The following INO80 variants were observed in gnomAD, a reference collection of about 807,000 sequenced individuals.
INO80 encodes chromatin-remodeling ATPase INO80.
Under a neutral mutation model 203.4 loss-of-function variants are expected in INO80, and 20 were observed. The ratio of observed to expected loss-of-function variants is 0.10; its 90% CI spans 0.07 to 0.14. INO80 has a LOEUF of 0.14. Among genes scored for constraint, INO80 ranks in the 10% least tolerant of loss-of-function variants. The pLI is 1.00. For synonymous variants in INO80, 726 were observed against 685.2 expected (o/e 1.06, Z -0.93); for missense variants, 1,419 against 1,914.4 (o/e 0.74, Z 4.83).
chr15:41,032,663 G>T (rs1452784755), intron 24 of INO80, among the ~76,000 whole-genome samples: 2 of 152,146 alleles, frequency 1.3e-5, no homozygotes, highest in African/African-American at 4.8e-5. Flanking sequence ...TCTATGTTTA[G>T]AACCTTTGTG....
chr15:40,996,337 CTTTTT>C (rs1273927506), intron 29 of INO80, among the ~76,000 whole-genome samples: 2 of 152,094 alleles, frequency 1.3e-5, no homozygotes, highest in Non-Finnish European at 2.9e-5. Context: ...ATCCTCTTTT[CTTTTT>C]GAGACAGTCT....
intron 24 of INO80, among the ~76,000 whole-genome samples, chr15:41,041,106 C>T (rs1375957547): frequency 6.6e-6 from 1 of 152,168 alleles, no homozygotes; most frequent in East Asian, 1.9e-4. Flanking sequence ...CTGTCACTCT[C>T]CGAGGCTCAG....
intron 1 of INO80, among the ~76,000 whole-genome samples, chr15:41,100,820 A>T (rs1349992905): frequency 2.0e-5 from 3 of 150,000 alleles, no homozygotes; most frequent in African/African-American, 7.4e-5. Flanking sequence ...ACTACCATTC[A>T]CAATTTTTTC....
At chr15:41,057,594 C>T (rs923747122) in intron 16 of INO80, among the ~76,000 whole-genome samples, 5 of 151,612 alleles carry the variant, frequency 3.3e-5, no homozygotes, top group Admixed American at 6.6e-5. Context: ...GTCAGGAGTT[C>T]GAGACAAGCC....
chr15:41,097,238 G>A (rs761450448), intron 1 of INO80, among the ~76,000 whole-genome samples: 13 of 151,844 alleles, frequency 8.6e-5, no homozygotes, highest in Non-Finnish European at 1.8e-4. Flanking sequence ...TGGAGACGGG[G>A]TTTCACCATG....
intron 14 of INO80, among the ~76,000 whole-genome samples, chr15:41,064,681 C>T (rs1013097193): frequency 2.0e-5 from 3 of 152,176 alleles, no homozygotes; most frequent in African/African-American, 7.2e-5. Context: ...ATACTCTAAG[C>T]TCCATCTCAA....
At chr15:41,099,462 G>C (rs2045775475) in intron 1 of INO80, among the ~76,000 whole-genome samples, 1 of 151,680 alleles carries the variant, frequency 6.6e-6, no homozygotes, top group African/African-American at 2.4e-5. Flanking sequence ...TGTCAGTCTT[G>C]GTAATATAAA....
At chr15:41,005,200 CAAAAAAAAAAAA>C (rs66849866) in intron 28 of INO80, 5 of 80,062 alleles carry the variant, frequency 6.2e-5, no homozygotes, top group African/African-American at 2.1e-4. Context: ...CTCACACACA[CAAAAAAAAAAAA>C]AAAAAAAAAG....
rs1893935430 is a variant in INO80 at position 40,984,129 on chromosome 15, G to A, written c.4077+68C>T. On this transcript the variant is annotated intron_variant, in intron 33 of 35. Coordinates refer to ENST00000648947, the MANE Select transcript of INO80 (RefSeq NM_017553.3). The stretch of plus-strand genomic sequence containing the variant: ...CAGGAGAAGCAAAGACTGCCCAGCA[G>A]TGTGTCCCTGCTACACGGTCAGGAC... The A allele has an allele frequency of 5.2e-6, 8 of 1,529,142 alleles. No individual in the cohort carries two copies. In the East Asian group the frequency reaches 1.6e-4, roughly 31 times the overall value. The allele number at this position is 1,529,142 out of a possible 1,614,324, so 94.7% of individuals were successfully genotyped here.
At chr15:41,036,087 C>T (rs531640128) in intron 24 of INO80, among the ~76,000 whole-genome samples, 6 of 125,460 alleles carry the variant, frequency 4.8e-5, no homozygotes, top group Admixed American at 4.2e-4. Flanking sequence ...ACCCAGGAGG[C>T]GGAAGTTGCA....
Position 41,069,512 on chromosome 15 carries a change from G to C in INO80, c.1782+58C>G, listed in dbSNP as rs1596307813. The C allele has an allele frequency of 3.9e-6, 4 of 1,028,070 alleles. No individual in the cohort carries two copies. The East Asian group carries it at 9.9e-5, about 25-fold the overall frequency. 63.7% of individuals were successfully genotyped at this position (1,028,070 alleles called of 1,614,324 possible). ...TGAGTAATTAGTAGGGCAAGAAAAG[G>C]AGAGTCAAAAAGTTTATTTTAAAGA... On this transcript the variant is annotated intron_variant, in intron 14 of 35. Transcript: ENST00000648947.
At chr15:41,012,826 C>T (rs1019340639) in intron 27 of INO80, among the ~76,000 whole-genome samples, 1 of 152,012 alleles carries the variant, frequency 6.6e-6, no homozygotes, top group Admixed American at 6.6e-5. Context: ...TGAAAGAATA[C>T]AACATTTCTG....
chr15:41,049,022 T>C (rs1160497167), intron 21 of INO80, among the ~76,000 whole-genome samples: 2 of 152,228 alleles, frequency 1.3e-5, no homozygotes, highest in Non-Finnish European at 2.9e-5. Flanking sequence ...ATATGCATAC[T>C]TGCTGCAAGT....
intron 1 of INO80, among the ~76,000 whole-genome samples, chr15:41,114,273 C>CAAA (rs60513256): frequency 3.1e-5 from 4 of 128,820 alleles, no homozygotes; most frequent in Non-Finnish European, 7.0e-5. Flanking sequence ...TCTCAAAAAA[C>CAAA]AAAAAAAAAA....
intron 9 of INO80, among the ~76,000 whole-genome samples, chr15:41,078,242 T>A (rs889310342): frequency 1.3e-5 from 2 of 152,114 alleles, no homozygotes; most frequent in Non-Finnish European, 2.9e-5. Flanking sequence ...ACCATATGAT[T>A]AAATGAACGA....
intron 9 of INO80, among the ~76,000 whole-genome samples, chr15:41,076,354 T>C: frequency 6.7e-6 from 1 of 149,458 alleles, no homozygotes; most frequent in Non-Finnish European, 1.5e-5. Context: ...AGCAAGACTC[T>C]GTCTCAAAAC....
chr15:41,101,143 A>C (rs907393891), intron 1 of INO80, among the ~76,000 whole-genome samples: 3 of 151,940 alleles, frequency 2.0e-5, no homozygotes, highest in Non-Finnish European at 4.4e-5. Flanking sequence ...ATCATTTCTT[A>C]ATCACCTTTT....
rs553366571 is a variant in INO80 at position 40,983,036 on chromosome 15, A to G, written c.4279T>C (p.Ser1427Pro). 1.9e-6 allele frequency: 3 copies of G among 1,613,870 alleles called. No homozygotes were observed. The highest frequency in any genetic ancestry group is 4.5e-5 in the East Asian group (2 of 44,866). Residue 1427 changes from serine to proline, a missense_variant, in exon 35 of 36, where the codon TCA (serine) becomes CCA (proline). By Grantham distance (74) the Ser-to-Pro change is moderately conservative. Around this residue, in one of 9 missense-constraint regions of INO80, gnomAD observed 214 missense variants for 248.9 expected, o/e 0.86. Coordinates refer to ENST00000648947, the MANE Select transcript of INO80 (RefSeq NM_017553.3). ...TTGGGGCGGCCTCGGCTTCGGGCTG[A>G]GTGACCACGTCCTGCAGCTGGCATT... ...QEMPAAGRGH[S>P]ARSRGRPKGS...
chr15:41,031,785 G>A (rs543875034), intron 24 of INO80, among the ~76,000 whole-genome samples: 118 of 151,982 alleles, frequency 7.8e-4, no homozygotes, highest in Middle Eastern at 3.4e-3. Flanking sequence ...GCGTCTTGCC[G>A]CCAGGACTAT....
Sources: allele counts gnomAD v4.1 joint callset (sites outside exome capture counted in the v4.1 genomes callset), GRCh38; gene constraint gnomAD v4.1.1; regional missense constraint gnomAD v4.1.1; transcripts MANE v1.5; gene names NCBI Gene and HGNC (gene_info 2026-07-23, HGNC 2026-07-21).